The following ICE2 variants were observed in gnomAD, a reference collection of about 807,000 sequenced individuals.
The protein encoded by ICE2 is little elongation complex subunit 2.
A neutral mutation model predicts 105.4 loss-of-function variants in ICE2; 87 were observed. That is an observed-to-expected ratio of 0.83 (90% CI 0.69 to 0.99). The LOEUF is 0.99. ICE2 is among the 50% of genes least tolerant of loss of function. The pLI, the probability that ICE2 is intolerant of heterozygous loss-of-function variation, is 0.00. For missense variants in ICE2, 1,323 were observed against 1,146.7 expected (o/e 1.15, Z -2.22); for synonymous variants, 399 against 392.0 (o/e 1.02, Z -0.21).
chr15:60,453,533 A>G (rs749438549), intron 9 of ICE2, 70 bp downstream of exon 9: 1 of 1,570,454 alleles, frequency 6.4e-7, no homozygotes, highest in South Asian at 1.2e-5. Context: ...AGGGATTTGC[A>G]ATAAAACTTT....
rs142701614 is a variant in ICE2, at chr15:60,439,037, T to C, written c.2426-2810A>G. 5.3e-5 allele frequency: 8 copies of C among 152,322 alleles called. No homozygotes were observed. The East Asian group carries it at 9.6e-4, about 18-fold the overall frequency. 9.4% of individuals were successfully genotyped at this position (152,322 alleles called of 1,614,324 possible). A position where few individuals can be genotyped will look rare whatever the true frequency, so the allele number is the denominator to read the frequency against. On this transcript the variant is annotated intron_variant, in intron 12 of 15. Transcript: ENST00000261520. Reference sequence around the variant, plus strand: ...TCATATATATATGCACATAAACATATACATGCATACATGCATTCATATGTG... The same window carrying C: ...TCATATATATATGCACATAAACATACACATGCATACATGCATTCATATGTG...
At position 60,424,553 on chromosome 15, in the gene ICE2, C is replaced by T. The variant is rs182948917; in HGVS notation, c.2821-791G>A. ...ACAGAGTCTCGCTCTGTCACCCAGGCTGGAGGACAGTTGGCGCGATCTCTG... is the reference window on the plus strand; with the variant it reads ...ACAGAGTCTCGCTCTGTCACCCAGGTTGGAGGACAGTTGGCGCGATCTCTG... On this transcript the variant is annotated intron_variant, in intron 15 of 15. Transcript: ENST00000261520. Among the ~76,000 whole-genome samples, 96 of 152,248 alleles carry T rather than the reference C, an allele frequency of 6.3e-4. 2 individuals are homozygous for T. In the East Asian group the frequency reaches 0.014, roughly 23 times the overall value.
Position 60,478,013 on chromosome 15 carries a change from C to T in ICE2, c.-36G>A, listed in dbSNP as rs373403492. Reference sequence around the variant, plus strand: ...TTCTGCTTCACTCTAGCTCACAGTTCACAGCTGCCTGGCTGCGAAGGCTCC... The same window carrying T: ...TTCTGCTTCACTCTAGCTCACAGTTTACAGCTGCCTGGCTGCGAAGGCTCC... On this transcript the variant is annotated 5_prime_UTR_variant, in exon 2 of 16. Coordinates refer to ENST00000261520, the MANE Select transcript of ICE2 (RefSeq NM_024611.6). 121 of 1,605,842 alleles carry T rather than the reference C, an allele frequency of 7.5e-5. 1 individual carries two copies. Among genetic ancestry groups the T allele is most frequent in the Non-Finnish European group, 9.8e-5 (115 of 1,172,790 alleles).
intron 12 of ICE2, chr15:60,439,236 C>T (rs894565713): frequency 4.2e-4 from 64 of 151,934 alleles, no homozygotes; most frequent in African/African-American, 1.5e-3. Context: ...TATAGGAAAA[C>T]GAAAAGAACA....
intron 12 of ICE2, among the ~76,000 whole-genome samples, chr15:60,436,836 A>ATTTTGAATATG (rs1566975058): frequency 6.6e-6 from 1 of 152,054 alleles, no homozygotes; most frequent in Non-Finnish European, 1.5e-5. Flanking sequence ...ATACATATTA[A>ATTTTGAATATG]CATAATTTGA....
At chr15:60,474,595 C>T (rs1333381779) in intron 3 of ICE2, among the ~76,000 whole-genome samples, 1 of 152,102 alleles carries the variant, frequency 6.6e-6, no homozygotes, top group Admixed American at 6.6e-5. Flanking sequence ...GCCAATCCAT[C>T]CTTTGATTGG....
At chr15:60,426,555 C>CA (rs2063342398) in intron 15 of ICE2, among the ~76,000 whole-genome samples, 1 of 152,154 alleles carries the variant, frequency 6.6e-6, no homozygotes, top group Non-Finnish European at 1.5e-5. Context: ...TGTACTAAAG[C>CA]ACATTCTAGA....
Position 60,449,353 on chromosome 15 carries a change from A to G in ICE2, c.1614T>C (p.Asp538=). 6.2e-7 allele frequency: 1 copy of G among 1,613,296 alleles called. No individual in the cohort carries two copies. The highest frequency in any genetic ancestry group is 8.5e-7 in the Non-Finnish European group (1 of 1,179,880). ...TTTCTAGAACATTAGGTCTTTCACC[A>G]TCAGCATGTAATATATCTATAGTCA... is the stretch of plus-strand genomic sequence containing the variant. ...NDMTIDILHA[D]GERPNVLENL... is the part of the protein sequence containing the mutation. Residue 538 remains aspartate (D), a synonymous_variant, in exon 10 of 16, where the codon GAT becomes GAC. Transcript: ENST00000261520.
At chr15:60,475,913 G>A in intron 3 of ICE2, 150 bp downstream of exon 3, 1 of 528,756 alleles carries the variant, frequency 1.9e-6, no homozygotes. Flanking sequence ...AGGAATGAAG[G>A]TCTGAAAAGA....
intron 8 of ICE2, among the ~76,000 whole-genome samples, chr15:60,454,103 C>G (rs1214360618): frequency 1.3e-5 from 2 of 151,974 alleles, no homozygotes; most frequent in African/African-American, 4.8e-5. Context: ...AAATATTTAC[C>G]ACATAGAATA....
chr15:60,456,724 C>G lies in ICE2; in HGVS notation c.599G>C (p.Ser200Thr), dbSNP rs1048500608. Reference protein sequence around the residue: ...SEFYTLHEVTSLMGFFPFRVE... With the variant: ...SEFYTLHEVTTLMGFFPFRVE... ...TCTGAATGGGAAGAATCCCATTAAG[C>G]TGGTGACCTCGTGGAGAGTATAGAA... The change falls in exon 6 of 16, where the codon AGC (serine) becomes ACC (threonine). Residue 200 changes from serine to threonine, a missense_variant. Transcript: ENST00000261520. 1 of 1,593,602 alleles carries G rather than the reference C, an allele frequency of 6.3e-7. No individual in the cohort carries two copies. Among genetic ancestry groups the G allele is most frequent in the Admixed American group, 1.8e-5 (1 of 57,062 alleles).
chr15:60,440,957 A>T (rs1210712109), intron 12 of ICE2: 1 of 152,214 alleles, frequency 6.6e-6, no homozygotes, highest in African/African-American at 2.4e-5. Context: ...GATTTTACAA[A>T]ATAATTAAAA....
chr15:60,424,711 G>C (rs978248441), intron 15 of ICE2, among the ~76,000 whole-genome samples: 24 of 152,310 alleles, frequency 1.6e-4, no homozygotes, highest in African/African-American at 5.1e-4. Context: ...GTTTCACCAT[G>C]TTTAGGCTGG....
rs2141063148 is a variant in ICE2 at position 60,449,332 on chromosome 15, T to C, written c.1635A>G (p.Leu545=). The C allele has an allele frequency of 6.2e-7, 1 of 1,613,238 alleles. No individual in the cohort carries two copies. The highest frequency in any genetic ancestry group is 8.5e-7 in the Non-Finnish European group (1 of 1,179,988). The change falls in exon 10 of 16, where the codon CTA becomes CTG. Residue 545 remains leucine, a synonymous_variant. Transcript: ENST00000261520. ...LHADGERPNV[L]ENLDNSKEKT... is the part of the protein sequence containing the mutation. ...TTTCCTTTGAGTTGTCTAGGTTTTC[T>C]AGAACATTAGGTCTTTCACCATCAG...
rs2063259990 is a variant in ICE2, at chr15:60,422,852, A to T, written c.*782T>A. ...AGACTCCATCTCAAAAAAAAAAAAA[A>T]GCTTATGCTTTACCACATTAACCTT... On this transcript the variant is annotated 3_prime_UTR_variant, in exon 16 of 16. Coordinates refer to ENST00000261520, the MANE Select transcript of ICE2 (RefSeq NM_024611.6). 1 of 152,228 alleles carries T rather than the reference A, an allele frequency of 6.6e-6. No homozygotes were observed. Among genetic ancestry groups the T allele is most frequent in the South Asian group, 2.1e-4 (1 of 4,816 alleles). The allele number at this position is 152,228 out of a possible 1,614,324, so 9.4% of individuals were successfully genotyped here.
At chr15:60,452,201 G>T in intron 9 of ICE2, 1 of 947,530 alleles carries the variant, frequency 1.1e-6, no homozygotes, top group Non-Finnish European at 1.3e-6. Flanking sequence ...TATGACATAT[G>T]TATCATAAAA....
At chr15:60,478,888 A>C in intron 1 of ICE2, 115 bp downstream of exon 1, 1 of 447,194 alleles carries the variant, frequency 2.2e-6, no homozygotes, top group Non-Finnish European at 4.5e-6. Flanking sequence ...GCCAGGAGCA[A>C]AGGGTCCTGG....
chr15:60,435,595 G>C (rs2063567831), intron 13 of ICE2, among the ~76,000 whole-genome samples: 1 of 33,134 alleles, frequency 3.0e-5, no homozygotes, highest in South Asian at 2.6e-3. Flanking sequence ...GCAAAACTCT[G>C]TCTCAAAAAA....
In ICE2 at chr15:60,454,971, G is replaced by C. The variant is rs951939765; in HGVS notation, c.943+32C>G. 2 of 1,509,866 alleles carry C rather than the reference G, an allele frequency of 1.3e-6. 1 individual carries two copies. Among genetic ancestry groups the C allele is most frequent in the Non-Finnish European group, 1.8e-6 (2 of 1,135,140 alleles). The allele number at this position is 1,509,866 out of a possible 1,614,324, so 93.5% of individuals were successfully genotyped here. On this transcript the variant is annotated intron_variant, in intron 8 of 15. Coordinates refer to ENST00000261520, the MANE Select transcript of ICE2 (RefSeq NM_024611.6). ...ACATGCAGTCCAACTTCTCTTTTTTGAGAGCATTATTTGACATAGCAAATT... is the reference window on the plus strand; with the variant it reads ...ACATGCAGTCCAACTTCTCTTTTTTCAGAGCATTATTTGACATAGCAAATT...
Sources: gnomAD v4.1 joint callset for allele counts (sites outside exome capture counted in the v4.1 genomes callset) on GRCh38, gnomAD v4.1.1 for gene constraint, MANE v1.5 for transcripts, NCBI Gene and HGNC (gene_info 2026-07-23, HGNC 2026-07-21) for gene names.